GLT1D1: variants seen among roughly 807,000 people sequenced by gnomAD.
The protein encoded by GLT1D1 is glycosyltransferase 1 domain-containing protein 1.
In GLT1D1, 21 loss-of-function variants were observed where a neutral mutation model predicts 28.7. The observed-to-expected ratio is 0.73, with a 90% CI of 0.52 to 1.05. The LOEUF (loss-of-function observed/expected upper bound fraction) is 1.05. GLT1D1 is among the 50% of genes least tolerant of loss of function. The pLI, the probability that GLT1D1 is intolerant of heterozygous loss-of-function variation, is 0.00. For synonymous variants in GLT1D1, 147 were observed against 124.8 expected (o/e 1.18, Z -1.19); for missense variants, 343 against 330.6 (o/e 1.04, Z -0.29).
intron 1 of GLT1D1, among the ~76,000 whole-genome samples, chr12:128,861,065 G>A (rs1234617671): frequency 1.6e-5 from 2 of 127,006 alleles, no homozygotes; most frequent in African/African-American, 5.1e-5. Context: ...AAGTTGTGGA[G>A]TTGTTTCAAA....
chr12:128,876,254 G>A (rs753024635), intron 2 of GLT1D1, among the ~76,000 whole-genome samples, 192 bp downstream of exon 2: 6 of 152,126 alleles, frequency 3.9e-5, no homozygotes, highest in Non-Finnish European at 7.4e-5. Flanking sequence ...GAATGGATGT[G>A]TATTGAAACT....
chr12:128,979,712 C>T (rs1265806549), intron 7 of GLT1D1, among the ~76,000 whole-genome samples: 1 of 151,892 alleles, frequency 6.6e-6, no homozygotes, highest in African/African-American at 2.4e-5. Context: ...GTGGTTGCAC[C>T]ACTCTACTCC....
chr12:128,936,249 G>T (rs1156287178), intron 4 of GLT1D1, among the ~76,000 whole-genome samples: 1 of 151,446 alleles, frequency 6.6e-6, no homozygotes, highest in Non-Finnish European at 1.5e-5. Context: ...CCGCCTCCCG[G>T]GTTCACGCCA....
intron 3 of GLT1D1, among the ~76,000 whole-genome samples, chr12:128,896,290 T>C (rs1045900596): frequency 6.6e-6 from 1 of 152,124 alleles, no homozygotes; most frequent in Non-Finnish European, 1.5e-5. Context: ...ATATATATTA[T>C]CTACAGGAAG....
Position 128,899,469 on chromosome 12 carries a change from G to T in GLT1D1, c.375+182G>T, listed in dbSNP as rs561284251. On this transcript the variant is annotated intron_variant, in intron 4 of 7. Transcript: ENST00000281703. ...GTGTAGATGCACCTAAAACGTCCCT[G>T]ATATTTTTTGATGTTGTTATTGAAT... Among the ~76,000 whole-genome samples, 6 of 151,230 alleles carry T rather than the reference G, an allele frequency of 4.0e-5. No homozygotes were observed. In the South Asian group the frequency reaches 1.3e-3, roughly 32 times the overall value.
rs182852459 is a variant in GLT1D1, at chr12:128,961,378, G to A, written c.639+3735G>A. Among the ~76,000 whole-genome samples the A allele has an allele frequency of 1.5e-3, 225 of 152,224 alleles. 1 individual carries two copies. The highest frequency in any genetic ancestry group is 5.1e-3 in the African/African-American group (212 of 41,540). Reference sequence around the variant, plus strand: ...CCTGCACCCCCATGTTTATCAAAGCGCCACTCACAATCACCAAGGTATGGA... The same window carrying A: ...CCTGCACCCCCATGTTTATCAAAGCACCACTCACAATCACCAAGGTATGGA... On this transcript the variant is annotated intron_variant, in intron 7 of 7. Coordinates refer to ENST00000281703, the MANE Select transcript of GLT1D1 (RefSeq NM_144669.3).
chr12:128,916,205 T>C (rs1223776503), intron 4 of GLT1D1, among the ~76,000 whole-genome samples: 1 of 152,242 alleles, frequency 6.6e-6, no homozygotes, highest in Non-Finnish European at 1.5e-5. Context: ...CCTTTTTTCT[T>C]AGTATTCTAT....
intron 1 of GLT1D1, chr12:128,864,133 G>C (rs1956455491): frequency 4.4e-6 from 3 of 679,572 alleles, no homozygotes; most frequent in Non-Finnish European, 8.0e-6. Context: ...GCTGGGGCAG[G>C]AGAGTCTTAA....
At chr12:128,951,510 G>T (rs1404054067) in intron 6 of GLT1D1, among the ~76,000 whole-genome samples, 2 of 152,174 alleles carry the variant, frequency 1.3e-5, no homozygotes, top group East Asian at 3.9e-4. Context: ...AATCAAGTGA[G>T]TTCAAACACA....
intron 7 of GLT1D1, among the ~76,000 whole-genome samples, chr12:128,972,804 A>G (rs554027380): frequency 6.6e-6 from 1 of 152,306 alleles, no homozygotes; most frequent in South Asian, 2.1e-4. Context: ...TGACAAATTT[A>G]AAGATTGTAT....
intron 7 of GLT1D1, among the ~76,000 whole-genome samples, chr12:128,967,651 C>T (rs1420826980): frequency 2.0e-5 from 3 of 152,336 alleles, no homozygotes; most frequent in African/African-American, 4.8e-5. Flanking sequence ...GATTCCCACC[C>T]GGTGCAGAGC....
At chr12:128,855,905 C>G (rs1956207947) in intron 1 of GLT1D1, among the ~76,000 whole-genome samples, 1 of 151,936 alleles carries the variant, frequency 6.6e-6, no homozygotes, top group African/African-American at 2.4e-5. Context: ...GCGCCTGCCA[C>G]CACACCCAGC....
chr12:128,965,728 A>G (rs1018738327), intron 7 of GLT1D1, among the ~76,000 whole-genome samples: 3 of 140,150 alleles, frequency 2.1e-5, no homozygotes, highest in Non-Finnish European at 3.0e-5. Flanking sequence ...AAAAAAAAAA[A>G]AAAAAAAGAA....
chr12:128,952,331 T>G (rs1353011545), intron 6 of GLT1D1, among the ~76,000 whole-genome samples: 1 of 149,708 alleles, frequency 6.7e-6, no homozygotes, highest in Non-Finnish European at 1.5e-5. Flanking sequence ...CCCAAATGCC[T>G]GTGTTGAAGT....
intron 6 of GLT1D1, among the ~76,000 whole-genome samples, chr12:128,950,389 C>T (rs1019441563): frequency 6.6e-6 from 1 of 152,142 alleles, no homozygotes; most frequent in African/African-American, 2.4e-5. Context: ...TCACCGTAAC[C>T]CCAATTATGT....
chr12:128,969,207 G>A (rs73424639), intron 7 of GLT1D1, among the ~76,000 whole-genome samples: 7,872 of 149,952 alleles, frequency 0.052, 704 homozygotes, highest in African/African-American at 0.18. Context: ...CTTCCTCTCA[G>A]TCTCTGTTTC....
chr12:128,928,012 A>C (rs1247653942), intron 4 of GLT1D1, among the ~76,000 whole-genome samples: 11 of 150,292 alleles, frequency 7.3e-5, no homozygotes, highest in African/African-American at 1.2e-4. Context: ...AAAAAAAAAA[A>C]AAAAAAAAAA....
Position 128,883,073 on chromosome 12 carries a change from C to T in GLT1D1, c.218-5566C>T, listed in dbSNP as rs1013026770. Among the ~76,000 whole-genome samples, 9 of 151,328 alleles carry T rather than the reference C, an allele frequency of 5.9e-5. No homozygotes were observed. In the East Asian group the frequency reaches 6.0e-4, roughly 10 times the overall value. On this transcript the variant is annotated intron_variant, in intron 2 of 7. Transcript: ENST00000281703. Reference sequence around the variant, plus strand: ...TCTTGAGTAGCTGGGATTACGAGCACGCGCCACCACGCCCAGCTAATTTTT... The same window carrying T: ...TCTTGAGTAGCTGGGATTACGAGCATGCGCCACCACGCCCAGCTAATTTTT...
intron 4 of GLT1D1, among the ~76,000 whole-genome samples, chr12:128,939,657 A>G (rs1462776317): frequency 2.6e-5 from 4 of 152,170 alleles, no homozygotes; most frequent in African/African-American, 7.2e-5. Flanking sequence ...AAGCACAGCC[A>G]GGGAATGCCT....
Sources: allele counts gnomAD v4.1 joint callset (sites outside exome capture counted in the v4.1 genomes callset), GRCh38; gene constraint gnomAD v4.1.1; transcripts MANE v1.5; gene names NCBI Gene and HGNC (gene_info 2026-07-23, HGNC 2026-07-21).